The following MCPH1 variants were observed in gnomAD, a reference collection of about 807,000 sequenced individuals.
MCPH1 encodes the protein microcephalin.
MCPH1 carries 104 observed loss-of-function variants against 84.5 expected under a neutral mutation model. The observed-to-expected ratio is 1.23, with a 90% CI of 1.05 to 1.45. The LOEUF is 1.45. Among genes scored for constraint, MCPH1 ranks in the 40% most tolerant of loss-of-function variants. The pLI, the probability that MCPH1 is intolerant of heterozygous loss-of-function variation, is 0.00. For missense variants in MCPH1, 1,498 were observed against 1,005.7 expected, an observed-to-expected ratio of 1.49 and a Z score of -6.62; for synonymous variants, 514 against 366.8, an observed-to-expected ratio of 1.40 and a Z score of -4.58.
At chr8:6,503,821 G>C (rs989783172) in intron 12 of MCPH1, among the ~76,000 whole-genome samples, 1 of 152,208 alleles carries the variant, frequency 6.6e-6, no homozygotes, top group Non-Finnish European at 1.5e-5. Flanking sequence ...GCCAGGGCAG[G>C]AGAGGTGTCC....
chr8:6,632,636 C>T (rs913784389), intron 13 of MCPH1, among the ~76,000 whole-genome samples: 6 of 152,170 alleles, frequency 3.9e-5, no homozygotes, highest in African/African-American at 1.4e-4. Context: ...AGTGAAACCC[C>T]ATCTCTACTA....
chr8:6,551,668 A>AT, intron 12 of MCPH1, among the ~76,000 whole-genome samples: 1 of 152,314 alleles, frequency 6.6e-6, no homozygotes, highest in Non-Finnish European at 1.5e-5. Flanking sequence ...GTCATTAACA[A>AT]TTTTTTATAT....
chr8:6,450,487 C>T (rs1348659419), intron 8 of MCPH1, among the ~76,000 whole-genome samples: 1 of 149,604 alleles, frequency 6.7e-6, no homozygotes, highest in African/African-American at 2.5e-5. Flanking sequence ...TTGGATACCA[C>T]CTCCAGGGAT....
chr8:6,625,135 A>AAAGT (rs1831935167), intron 13 of MCPH1: 1 of 960,504 alleles, frequency 1.0e-6, no homozygotes, highest in Non-Finnish European at 1.2e-6. Flanking sequence ...TCGGCCTCCC[A>AAAGT]AAGTGCTGGG....
At chr8:6,588,769 C>T (rs1277382749) in intron 12 of MCPH1, among the ~76,000 whole-genome samples, 1 of 152,270 alleles carries the variant, frequency 6.6e-6, no homozygotes, top group African/African-American at 2.4e-5. Flanking sequence ...CCCAAGCCTT[C>T]TGCTCCTCTC....
intron 2 of MCPH1, among the ~76,000 whole-genome samples, chr8:6,413,132 C>G (rs187351903): frequency 2.7e-3 from 413 of 152,216 alleles, no homozygotes; most frequent in Non-Finnish European, 3.2e-3. Flanking sequence ...CTGAGCATGC[C>G]TTTATTATAC....
intron 12 of MCPH1, among the ~76,000 whole-genome samples, chr8:6,612,752 C>T (rs1830396234): frequency 6.6e-6 from 1 of 152,246 alleles, no homozygotes; most frequent in East Asian, 1.9e-4. Context: ...TGTCCTGCTC[C>T]TTCTCCCAGC....
intron 9 of MCPH1, among the ~76,000 whole-genome samples, chr8:6,476,445 AG>A (rs1454335468): frequency 6.0e-5 from 9 of 149,550 alleles, no homozygotes; most frequent in Non-Finnish European, 9.0e-5. Context: ...AAAAAAAAAA[AG>A]AAGAAGAAAA....
intron 13 of MCPH1, among the ~76,000 whole-genome samples, chr8:6,642,330 T>A (rs1797987970): frequency 6.6e-6 from 1 of 152,196 alleles, no homozygotes; most frequent in Admixed American, 6.5e-5. Context: ...AGGGAGGGGT[T>A]GTTTCCGCCA....
intron 11 of MCPH1, among the ~76,000 whole-genome samples, chr8:6,497,280 T>G (rs1349176697): frequency 6.6e-6 from 1 of 150,644 alleles, no homozygotes; most frequent in African/African-American, 2.4e-5. Flanking sequence ...CATGAGTTCG[T>G]GACCAGCCTG....
chr8:6,487,878 T>A (rs2920681), intron 11 of MCPH1, among the ~76,000 whole-genome samples: 40,619 of 152,182 alleles, frequency 0.27, 6,571 homozygotes, highest in African/African-American at 0.45. Flanking sequence ...CTGCAAATAA[T>A]TAGTGAATTT....
chr8:6,601,545 A>ACACACACACC (rs879589352), intron 12 of MCPH1, among the ~76,000 whole-genome samples: 1 of 144,230 alleles, frequency 6.9e-6, no homozygotes. Flanking sequence ...ACACACACAC[A>ACACACACACC]CCCCTACGCA....
At position 6,412,773 on chromosome 8, in the gene MCPH1, T is replaced by A. The variant is rs540751905; in HGVS notation, c.115-1992T>A. Among the ~76,000 whole-genome samples the A allele has an allele frequency of 6.6e-5, 10 of 152,306 alleles. No individual in the cohort carries two copies. The South Asian group carries it at 2.1e-3, about 32-fold the overall frequency. On this transcript the variant is annotated intron_variant, in intron 2 of 13. Transcript: ENST00000344683. ...TAATCTAGAATCTCAGCCCGGTAAT[T>A]CTTAATTGCCTTGATAGCTCCCATG...
Position 6,532,308 on chromosome 8 carries a change from T to C in MCPH1, c.2214+32379T>C, listed in dbSNP as rs200306919. On this transcript the variant is annotated intron_variant, in intron 12 of 13. Transcript: ENST00000344683. ...CTAGTCTCTAGCTGCAGGGACACCGTGTGCTTTATGTGGCATTACTTACTT... is the reference window on the plus strand; with the variant it reads ...CTAGTCTCTAGCTGCAGGGACACCGCGTGCTTTATGTGGCATTACTTACTT... 4.3e-6 allele frequency: 7 copies of C among 1,613,870 alleles called. No homozygotes were observed. The African/African-American group carries it at 6.7e-5, about 15-fold the overall frequency.
At chr8:6,626,996 A>T (rs1796773249) in intron 13 of MCPH1, 5 of 984,866 alleles carry the variant, frequency 5.1e-6, no homozygotes, top group Non-Finnish European at 1.2e-6. Context: ...AAAAAAAAAA[A>T]AAGTTTAGCC....
At chr8:6,480,407 C>G (rs980199211) in intron 10 of MCPH1, among the ~76,000 whole-genome samples, 1 of 151,884 alleles carries the variant, frequency 6.6e-6, no homozygotes, top group African/African-American at 2.4e-5. Flanking sequence ...GTGTGAGCCA[C>G]CGCGCCCAGC....
At chr8:6,439,152 G>A in intron 6 of MCPH1, 56 bp downstream of exon 6, 2 of 1,538,190 alleles carry the variant, frequency 1.3e-6, no homozygotes, top group Non-Finnish European at 1.8e-6. Flanking sequence ...CAATTATGGT[G>A]GAAAGCTTCT....
At chr8:6,411,556 C>A (rs896451010) in intron 2 of MCPH1, among the ~76,000 whole-genome samples, 1 of 152,154 alleles carries the variant, frequency 6.6e-6, no homozygotes, top group Non-Finnish European at 1.5e-5. Flanking sequence ...GTTGAAGTTG[C>A]TAAGATCGAC....
chr8:6,592,279 G>A (rs1828519531), intron 12 of MCPH1, among the ~76,000 whole-genome samples: 1 of 151,998 alleles, frequency 6.6e-6, no homozygotes, highest in Admixed American at 6.5e-5. Context: ...AGCCTCCCAA[G>A]TAGCTGGGAC....
Sources: allele counts gnomAD v4.1 joint callset (sites outside exome capture counted in the v4.1 genomes callset), GRCh38; gene constraint gnomAD v4.1.1; transcripts MANE v1.5; gene names NCBI Gene and HGNC (gene_info 2026-07-23, HGNC 2026-07-21).